The following USP34 variants were observed in gnomAD, a reference collection of about 807,000 sequenced individuals.
The protein encoded by USP34 is ubiquitin carboxyl-terminal hydrolase 34.
USP34 carries 70 observed loss-of-function variants against 460.3 expected under a neutral mutation model. The observed-to-expected ratio is 0.15, with a 90% CI of 0.13 to 0.19. The LOEUF is 0.19. Among genes scored for constraint, USP34 ranks in the 10% least tolerant of loss-of-function variants. The probability of loss-of-function intolerance (pLI) is 1.00; values close to 1 mark genes in which losing one functional copy is unlikely to be tolerated. For missense variants in USP34, 3,985 were observed against 4,236.2 expected, an observed-to-expected ratio of 0.94 and a Z score of 1.65; for synonymous variants, 1,647 against 1,405.3, an observed-to-expected ratio of 1.17 and a Z score of -3.85.
chr2:61,241,515 C>CT, intron 53 of USP34, 45 bp downstream of exon 53: 3 of 1,442,060 alleles, frequency 2.1e-6, no homozygotes, highest in Non-Finnish European at 2.9e-6. Context: ...TGCATAAACA[C>CT]TTAACATATT....
intron 5 of USP34, among the ~76,000 whole-genome samples, chr2:61,388,553 G>A (rs1036501567): frequency 3.3e-5 from 5 of 151,112 alleles, no homozygotes; most frequent in South Asian, 4.2e-4. Flanking sequence ...TCAGGAGATC[G>A]AGACCATCCT....
intron 1 of USP34, among the ~76,000 whole-genome samples, chr2:61,457,435 C>CTT (rs1695472560): frequency 6.6e-6 from 1 of 152,188 alleles, no homozygotes; most frequent in Non-Finnish European, 1.5e-5. Flanking sequence ...AGACGGCCTA[C>CTT]TTATAGCTTT....
intron 10 of USP34, 58 bp from the exon 11 acceptor site, chr2:61,350,751 C>T: frequency 6.5e-7 from 1 of 1,543,356 alleles, no homozygotes. Flanking sequence ...ATGTAGATTA[C>T]CTGATATAAA....
At chr2:61,365,331 ATATGTATG>A (rs905419654) in intron 10 of USP34, among the ~76,000 whole-genome samples, 30 of 151,826 alleles carry the variant, frequency 2.0e-4, no homozygotes, top group Middle Eastern at 3.4e-3. Context: ...GTGTGTGTAT[ATATGTATG>A]TATGTATGTA....
chr2:61,383,156 T>C (rs916947737), intron 6 of USP34, 113 bp downstream of exon 6: 2 of 623,236 alleles, frequency 3.2e-6, no homozygotes, highest in East Asian at 6.5e-5. Flanking sequence ...TTACTTGAAA[T>C]TTTCTCTAGA....
chr2:61,361,134 G>A (rs1382379701), intron 10 of USP34, among the ~76,000 whole-genome samples: 2 of 152,172 alleles, frequency 1.3e-5, no homozygotes, highest in Non-Finnish European at 2.9e-5. Context: ...ATATGAGCCA[G>A]GTGCAGTGGC....
intron 41 of USP34, among the ~76,000 whole-genome samples, chr2:61,269,739 C>T (rs757690182): frequency 2.3e-4 from 35 of 152,066 alleles, no homozygotes; most frequent in Non-Finnish European, 4.1e-4. Flanking sequence ...ACATCCTTGA[C>T]ATTATTTGAT....
intron 67 of USP34, among the ~76,000 whole-genome samples, chr2:61,218,451 C>G (rs758769555): frequency 2.0e-5 from 3 of 152,128 alleles, no homozygotes; most frequent in Non-Finnish European, 4.4e-5. Flanking sequence ...ACCTCCCTCA[C>G]CTAGTTTCCC....
chr2:61,443,128 G>A (rs1695013719), intron 1 of USP34, among the ~76,000 whole-genome samples: 1 of 152,120 alleles, frequency 6.6e-6, no homozygotes, highest in African/African-American at 2.4e-5. Context: ...ATACAAGAAG[G>A]TGGAAAGGAC....
chr2:61,232,869 C>CA (rs1558480512), intron 57 of USP34, among the ~76,000 whole-genome samples: 1 of 113,880 alleles, frequency 8.8e-6, no homozygotes, highest in Admixed American at 9.4e-5. Flanking sequence ...TTCCCCCCCC[C>CA]CTTTTTTTTT....
chr2:61,331,380 A>C lies in USP34; in HGVS notation c.2835-9T>G, dbSNP rs745859704. ...GTTCTTTTTCTGCCCACCTGGCCCAAATAAAAGAAAAAATAATTTTAAAGT... is the reference window on the plus strand; with the variant it reads ...GTTCTTTTTCTGCCCACCTGGCCCACATAAAAGAAAAAATAATTTTAAAGT... On this transcript the variant is annotated splice_polypyrimidine_tract_variant and intron_variant, in intron 19 of 79. Coordinates refer to ENST00000398571, the MANE Select transcript of USP34 (RefSeq NM_014709.4). 6.9e-6 allele frequency: 11 copies of C among 1,605,216 alleles called. No individual in the cohort carries two copies. In the East Asian group the frequency reaches 2.2e-4, roughly 33 times the overall value.
At position 61,277,229 on chromosome 2, in the gene USP34, T is replaced by C. The variant is rs114672354; in HGVS notation, c.5433+936A>G. 2.8e-3 allele frequency among the ~76,000 whole-genome samples: 410 copies of C among 146,934 alleles called. 2 individuals are homozygous for C. Among genetic ancestry groups the C allele is most frequent in the Non-Finnish European group, 5.2e-3 (347 of 66,440 alleles). On this transcript the variant is annotated intron_variant, in intron 41 of 79. Coordinates refer to ENST00000398571, the MANE Select transcript of USP34 (RefSeq NM_014709.4). ...CTATAGAAAGCACACTGATAAAATA[T>C]AGGTTACCTTTTTTTTTTTTTTTTT...
intron 10 of USP34, among the ~76,000 whole-genome samples, chr2:61,362,229 A>G (rs1405686809): frequency 6.6e-6 from 1 of 152,180 alleles, no homozygotes; most frequent in Non-Finnish European, 1.5e-5. Flanking sequence ...TGGTACAGTC[A>G]TTTTTGAAAG....
chr2:61,194,368 A>G (rs906971832), intron 75 of USP34, among the ~76,000 whole-genome samples: 1 of 152,218 alleles, frequency 6.6e-6, no homozygotes, highest in Non-Finnish European at 1.5e-5. Context: ...GCTATAGGGA[A>G]GAGAGTTCCT....
At chr2:61,349,587 C>A (rs760077503) in intron 12 of USP34, among the ~76,000 whole-genome samples, 5 of 152,066 alleles carry the variant, frequency 3.3e-5, no homozygotes, top group African/African-American at 4.8e-5. Flanking sequence ...ACGCCTGTAA[C>A]CCCAGCATTT....
chr2:61,257,139 A>G (rs774900903), intron 45 of USP34, 31 bp from the exon 46 acceptor site: 5 of 1,573,360 alleles, frequency 3.2e-6, no homozygotes, highest in Non-Finnish European at 4.3e-6. Context: ...AAAATAAGAA[A>G]CTAGTTAAAA....
At chr2:61,369,997 A>C (rs891132895) in intron 10 of USP34, among the ~76,000 whole-genome samples, 4 of 151,668 alleles carry the variant, frequency 2.6e-5, no homozygotes, top group Non-Finnish European at 5.9e-5. Context: ...AAAAAAAAAA[A>C]AAAAACAGTA....
At chr2:61,364,674 A>G (rs962886333) in intron 10 of USP34, among the ~76,000 whole-genome samples, 29 of 152,210 alleles carry the variant, frequency 1.9e-4, no homozygotes, top group Non-Finnish European at 3.7e-4. Flanking sequence ...CATGTCTATT[A>G]TCCCAGCACT....
In USP34 at chr2:61,227,054, C is replaced by T. The variant is rs377619936; in HGVS notation, c.7595+13G>A. The stretch of plus-strand genomic sequence containing the variant: ...AAACATGCTTTAAACATTTTAAATT[C>T]GAAACATTTCACCTTTCTGATCGAG... On this transcript the variant is annotated intron_variant, in intron 62 of 79. Transcript: ENST00000398571. 25 of 1,574,472 alleles carry T rather than the reference C, an allele frequency of 1.6e-5. No homozygotes were observed. Among genetic ancestry groups the T allele is most frequent in the African/African-American group, 6.9e-5 (5 of 72,402 alleles).
Sources: allele counts gnomAD v4.1 joint callset (sites outside exome capture counted in the v4.1 genomes callset), GRCh38; gene constraint gnomAD v4.1.1; transcripts MANE v1.5; gene names NCBI Gene and HGNC (gene_info 2026-07-23, HGNC 2026-07-21).